VAV2: variants seen among roughly 807,000 people sequenced by gnomAD.
The protein encoded by VAV2 is vav guanine nucleotide exchange factor 2.
A neutral mutation model predicts 132.5 loss-of-function variants in VAV2; 67 were observed. The observed-to-expected ratio is 0.51, with a 90% CI of 0.42 to 0.62. The LOEUF (loss-of-function observed/expected upper bound fraction) is 0.62, where lower values mean the gene tolerates loss of function less well. Among genes scored for constraint, VAV2 ranks in the 20% least tolerant of loss-of-function variants. VAV2 has a pLI of 0.00. For missense variants in VAV2, 938 were observed against 1,153.6 expected (o/e 0.81, Z 2.71); for synonymous variants, 492 against 443.5 (o/e 1.11, Z -1.37).
In VAV2 at chr9:133,928,188, T is replaced by C. The variant is rs75867919; in HGVS notation, c.321+10915A>G. On this transcript the variant is annotated intron_variant, in intron 2 of 29. Coordinates refer to ENST00000371850, the MANE Select transcript of VAV2 (RefSeq NM_001134398.2). This position sits in a 1 kb window ranked among gnomAD's most constrained non-coding sequence, Gnocchi z 5.4. The stretch of plus-strand genomic sequence containing the variant: ...CCGACTCCGTGTGTGTGTGTGTGTG[T>C]GCGTGCATGTGTGTATGTCTGTGTG... Among the ~76,000 whole-genome samples, 16 of 151,316 alleles carry C rather than the reference T, an allele frequency of 1.1e-4. No homozygotes were observed. Among genetic ancestry groups the C allele is most frequent in the East Asian group, 3.9e-4 (2 of 5,148 alleles).
chr9:133,783,738 G>T, intron 18 of VAV2, 147 bp from the exon 19 acceptor site: 1 of 707,808 alleles, frequency 1.4e-6, no homozygotes, highest in Non-Finnish European at 2.5e-6. Flanking sequence ...GAGTATCCAG[G>T]ACCCTCCCTT....
At position 133,833,238 on chromosome 9, in the gene VAV2, C is replaced by T. The variant is rs1836331698; in HGVS notation, c.449+1034G>A. The stretch of plus-strand genomic sequence containing the variant: ...ACAGGGATCCTGCGGAAAGTATTTT[C>T]CTGGGCCCTGCAAGCTAAAGGCAGC... On this transcript the variant is annotated intron_variant, in intron 4 of 29. Transcript: ENST00000371850. The surrounding 1 kb of genome is among the most constrained non-coding windows in gnomAD (Gnocchi z 5.6). Among the ~76,000 whole-genome samples the T allele has an allele frequency of 6.6e-6, 1 of 152,142 alleles. No homozygotes were observed. The highest frequency in any genetic ancestry group is 1.9e-4 in the East Asian group (1 of 5,184).
intron 2 of VAV2, among the ~76,000 whole-genome samples, chr9:133,905,529 G>A (rs1331428810): frequency 6.6e-6 from 1 of 151,958 alleles, no homozygotes; most frequent in African/African-American, 2.4e-5. Context: ...AGCCCAACAT[G>A]CCCATCCCTT....
intron 1 of VAV2, among the ~76,000 whole-genome samples, chr9:133,950,447 G>A (rs1372950674): frequency 5.3e-5 from 8 of 152,102 alleles, no homozygotes; most frequent in African/African-American, 1.4e-4. Flanking sequence ...AGCTTTCCAC[G>A]CCTGCTCCCC....
At chr9:133,986,273 T>G (rs421771) in intron 1 of VAV2, among the ~76,000 whole-genome samples, 72,685 of 151,534 alleles carry the variant, frequency 0.48, 18,196 homozygotes, top group Middle Eastern at 0.57. Flanking sequence ...ACCCCTACAG[T>G]TGCGTGACCT....
chr9:133,864,169 G>A (rs1246932952), intron 2 of VAV2, among the ~76,000 whole-genome samples: 2 of 152,198 alleles, frequency 1.3e-5, no homozygotes, highest in Non-Finnish European at 2.9e-5. Context: ...GAATGAAGAC[G>A]CACAGCTGCA....
At position 133,964,240 on chromosome 9, in the gene VAV2, C is replaced by T. The variant is rs1182656604; in HGVS notation, c.205-25021G>A. 2.7e-5 allele frequency among the ~76,000 whole-genome samples: 4 copies of T among 150,650 alleles called. No individual in the cohort carries two copies. The Admixed American group carries it at 2.7e-4, about 10-fold the overall frequency. On this transcript the variant is annotated intron_variant, in intron 1 of 29. Transcript: ENST00000371850. The stretch of plus-strand genomic sequence containing the variant: ...AGGCGCAGTGGCACACGCCTGTAGT[C>T]CCAGCTACTAAGGAGGCTGAGGCAG...
At chr9:133,797,620 G>T in intron 10 of VAV2, 90 bp downstream of exon 10, 1 of 1,152,450 alleles carries the variant, frequency 8.7e-7, no homozygotes, top group Non-Finnish European at 1.2e-6. Context: ...CCCAACAAAT[G>T]GGCAAGAGAG....
intron 2 of VAV2, among the ~76,000 whole-genome samples, chr9:133,932,516 C>T (rs1840722688): frequency 6.6e-6 from 1 of 152,212 alleles, no homozygotes; most frequent in Admixed American, 6.5e-5. Context: ...TTAGTTCCTA[C>T]TGGAACTTGC....
At chr9:133,943,570 G>C (rs918126806) in intron 1 of VAV2, among the ~76,000 whole-genome samples, 1 of 152,228 alleles carries the variant, frequency 6.6e-6, no homozygotes, top group Non-Finnish European at 1.5e-5. Context: ...AGTGGCCACA[G>C]CAAGGGTCTG....
At chr9:133,897,154 C>T (rs945954373) in intron 2 of VAV2, among the ~76,000 whole-genome samples, 1 of 152,202 alleles carries the variant, frequency 6.6e-6, no homozygotes, top group Admixed American at 6.5e-5. Context: ...TAGGAAGCGA[C>T]TCGGGAGCCT....
chr9:133,775,203 C>T (rs1833771589), intron 24 of VAV2, 152 bp from the exon 25 acceptor site: 8 of 661,694 alleles, frequency 1.2e-5, no homozygotes, highest in African/African-American at 3.7e-5. Flanking sequence ...CAGGCTGGGT[C>T]CCTATGAGCG....
intron 2 of VAV2, among the ~76,000 whole-genome samples, chr9:133,874,704 G>A (rs924155993): frequency 2.6e-4 from 40 of 152,062 alleles, no homozygotes; most frequent in Admixed American, 2.2e-3. Flanking sequence ...AACCTCCTGC[G>A]CTGCTTCTTC....
At chr9:133,976,192 C>T (rs181856423) in intron 1 of VAV2, among the ~76,000 whole-genome samples, 68 of 151,692 alleles carry the variant, frequency 4.5e-4, no homozygotes, top group African/African-American at 1.5e-3. Flanking sequence ...GGTGACAGAG[C>T]GAGATTCCAT....
At chr9:133,860,127 C>G (rs934088407) in intron 3 of VAV2, among the ~76,000 whole-genome samples, 2 of 151,900 alleles carry the variant, frequency 1.3e-5, no homozygotes, top group East Asian at 3.9e-4. Flanking sequence ...ATGGTGAAAC[C>G]CTTTCTCTAC....
chr9:133,784,713 G>A (rs1406908601), intron 17 of VAV2, among the ~76,000 whole-genome samples: 1 of 152,192 alleles, frequency 6.6e-6, no homozygotes, highest in African/African-American at 2.4e-5. Context: ...GCAGGTGTGG[G>A]TATTTGTTAA....
intron 3 of VAV2, among the ~76,000 whole-genome samples, chr9:133,855,840 CCT>C (rs543172511): frequency 1.0e-3 from 159 of 152,360 alleles, no homozygotes; most frequent in African/African-American, 3.7e-3. Flanking sequence ...CAGCCTGACC[CCT>C]GTCCCCTGCC....
intron 7 of VAV2, among the ~76,000 whole-genome samples, chr9:133,808,394 T>C (rs1049187358): frequency 2.0e-5 from 3 of 152,216 alleles, no homozygotes; most frequent in South Asian, 2.1e-4. Context: ...CAGTAAACAC[T>C]GGCAGTTGGC....
intron 9 of VAV2, among the ~76,000 whole-genome samples, chr9:133,803,920 C>T (rs777815589): frequency 2.0e-5 from 3 of 152,198 alleles, no homozygotes; most frequent in Non-Finnish European, 2.9e-5. Context: ...CTCCCCAACC[C>T]GCCTCGCCCC....
Sources: allele counts gnomAD v4.1 joint callset (sites outside exome capture counted in the v4.1 genomes callset), GRCh38; gene constraint gnomAD v4.1.1; non-coding constraint Gnocchi (gnomAD v3.1); transcripts MANE v1.5; gene names NCBI Gene and HGNC (gene_info 2026-07-23, HGNC 2026-07-21).